Variants in PRAM1 observed in about 807,000 individuals in gnomAD.
PRAM1 encodes PML-RARA regulated adaptor molecule 1.
In PRAM1, 41 loss-of-function variants were observed where a neutral mutation model predicts 55.3. The observed-to-expected ratio is 0.74, with a 90% CI of 0.58 to 0.96. The LOEUF (loss-of-function observed/expected upper bound fraction) is 0.96. Among genes scored for constraint, PRAM1 ranks in the 40% least tolerant of loss-of-function variants. The probability of loss-of-function intolerance (pLI) is 0.00; values close to 1 mark genes in which losing one functional copy is unlikely to be tolerated. For missense variants in PRAM1, 898 were observed against 892.7 expected (o/e 1.01, Z -0.08); for synonymous variants, 401 against 387.1 (o/e 1.04, Z -0.42).
Position 8,497,824 on chromosome 19 carries a change from A to G in PRAM1, c.1516T>C (p.Tyr506His), listed in dbSNP as rs1166345410. 1 of 1,595,180 alleles carries G rather than the reference A, an allele frequency of 6.3e-7. No homozygotes were observed. Reference sequence around the variant, plus strand: ...GGTTCCACATCGTCATACAGCTCGTAGATCTCATCTGGGACCCTGCGGGGA... The same window carrying G: ...GGTTCCACATCGTCATACAGCTCGTGGATCTCATCTGGGACCCTGCGGGGA... ...EDIPQVPDEI[Y>H]ELYDDVEPRD... The change falls in exon 4 of 10, where the codon TAC (tyrosine) becomes CAC (histidine). Residue 506 changes from tyrosine to histidine, a missense_variant. Tyr to His is a moderately conservative substitution (Grantham distance 83). Around this residue, in one of 4 missense-constraint regions of PRAM1, gnomAD observed 787 missense variants for 735.4 expected, o/e 1.07. Transcript: ENST00000423345.
rs115161255 is a variant in PRAM1, at chr19:8,500,366, C to T, written c.28-586G>A. 9.5e-3 allele frequency among the ~76,000 whole-genome samples: 1,443 copies of T among 152,008 alleles called. 24 individuals are homozygous for T. Among genetic ancestry groups the T allele is most frequent in the African/African-American group, 0.034 (1,403 of 41,432 alleles). ...TGTCACCCCAGGAGGTAGTGGGAGG[C>T]AGTGTCTGCCCTCCCCCAACCAATT... On this transcript the variant is annotated intron_variant, in intron 1 of 9. Coordinates refer to ENST00000423345, the MANE Select transcript of PRAM1 (RefSeq NM_032152.5).
chr19:8,490,642 C>CG lies in PRAM1; in HGVS notation c.1857dup (p.Glu620ArgfsTer6). ...AGCATCTCCTCATTGCTGGTGAACTCGATCACCTCCAGGATCTCCCCGCGC... is the reference window on the plus strand; with the variant it reads ...AGCATCTCCTCATTGCTGGTGAACTCGGATCACCTCCAGGATCTCCCCGCGC... On this transcript the variant is annotated frameshift_variant, in exon 7 of 10. Transcript: ENST00000423345. LOFTEE classifies it high-confidence loss of function. This position sits in a 1 kb window ranked among gnomAD's most constrained non-coding sequence, Gnocchi z 7.3. The CG allele has an allele frequency of 6.3e-7, 1 of 1,586,874 alleles. No individual in the cohort carries two copies. The highest frequency in any genetic ancestry group is 8.6e-7 in the Non-Finnish European group (1 of 1,166,482).
chr19:8,490,654 G>C lies in PRAM1; in HGVS notation c.1846C>G (p.Leu616Val), dbSNP rs376347206. Residue 616 changes from leucine (L) to valine (V), a missense_variant, in exon 7 of 10, where the codon CTG (leucine) becomes GTG (valine). Coordinates refer to ENST00000423345, the MANE Select transcript of PRAM1 (RefSeq NM_032152.5). This position sits in a 1 kb window ranked among gnomAD's most constrained non-coding sequence, Gnocchi z 7.3. ...KHLGIRRGEILEVIEFTSNEE... is the reference protein window; with the variant it reads ...KHLGIRRGEIVEVIEFTSNEE... ...TTGCTGGTGAACTCGATCACCTCCA[G>C]GATCTCCCCGCGCCGGATCCCGAGG... The C allele has an allele frequency of 6.3e-7, 1 of 1,588,436 alleles. No homozygotes were observed. Among genetic ancestry groups the C allele is most frequent in the Non-Finnish European group, 8.6e-7 (1 of 1,167,356 alleles).
In PRAM1 at chr19:8,499,402, C is replaced by T. The variant is rs777174312; in HGVS notation, c.406G>A (p.Ala136Thr). 4 of 1,612,632 alleles carry T rather than the reference C, an allele frequency of 2.5e-6. No homozygotes were observed. The highest frequency in any genetic ancestry group is 3.4e-6 in the Non-Finnish European group (4 of 1,179,852). Reference sequence around the variant, plus strand: ...AGGGGCTTCCTTGGAAACGGAGTGGCCCCCAGCTGTGGGAACTTCTTGGAG... The same window carrying T: ...AGGGGCTTCCTTGGAAACGGAGTGGTCCCCAGCTGTGGGAACTTCTTGGAG... ...DLSKKFPQLG[A>T]TPFPRKPLQP... Residue 136 changes from alanine (A) to threonine (T), a missense_variant, in exon 2 of 10, where the codon GCC (alanine) becomes ACC (threonine). This residue lies in a region of PRAM1 where 787 missense variants were observed against 735.4 expected (regional missense o/e 1.07). Transcript: ENST00000423345.
At chr19:8,498,114 A>C (rs559902557) in intron 3 of PRAM1, 109 bp downstream of exon 3, 169 of 1,191,260 alleles carry the variant, frequency 1.4e-4, no homozygotes, top group Non-Finnish European at 2.0e-4. Flanking sequence ...TCCTGACTTC[A>C]GGAGATCCGC....
chr19:8,490,190 T>C lies in PRAM1; in HGVS notation c.2012A>G (p.Ter671=). The change falls in exon 10 of 10, where the codon TAA becomes TGA. Residue 671 remains the stop codon, a stop_retained_variant. Coordinates refer to ENST00000423345, the MANE Select transcript of PRAM1 (RefSeq NM_032152.5). The surrounding 1 kb of genome is among the most constrained non-coding windows in gnomAD (Gnocchi z 7.3). The part of the protein sequence containing the change: ...LENQPLPLGR[*] ...GTCCTGGCCCCACGCCTACCGGTCT[T>C]ACCGTCCCAGGGGGAGTGGTTGGTT... 1 of 1,579,360 alleles carries C rather than the reference T, an allele frequency of 6.3e-7. No homozygotes were observed. The highest frequency in any genetic ancestry group is 8.6e-7 in the Non-Finnish European group (1 of 1,161,432).
At position 8,498,780 on chromosome 19, in the gene PRAM1, C is replaced by T; in HGVS notation, c.1028G>A (p.Arg343Lys). The T allele has an allele frequency of 6.3e-7, 1 of 1,575,806 alleles. No homozygotes were observed. The highest frequency in any genetic ancestry group is 8.6e-7 in the Non-Finnish European group (1 of 1,161,420). ...CCGGCGCTCCGGCTGCAGCAGCTTC[C>T]TGGGGAGTGAGTTGAACTCGGGCTC... Reference protein sequence around the residue: ...SSEPEFNSLPRKLLQPERRGP... With the variant: ...SSEPEFNSLPKKLLQPERRGP... Residue 343 changes from arginine to lysine, a missense_variant, in exon 2 of 10, where the codon AGG (arginine) becomes AAG (lysine). By Grantham distance (26) the Arg-to-Lys change is conservative. Transcript: ENST00000423345.
Position 8,498,309 on chromosome 19 carries a change from G to A in PRAM1, c.1433-20C>T, listed in dbSNP as rs775396194. On this transcript the variant is annotated intron_variant, in intron 2 of 9. Transcript: ENST00000423345. ...GTAGATCTGTGGGGTAGAGAGTAGG[G>A]CAGGGAAGCCGGCACTGCCTGGGAC... 3.1e-6 allele frequency: 5 copies of A among 1,608,810 alleles called. No individual in the cohort carries two copies. The highest frequency in any genetic ancestry group is 1.6e-4 in the Middle Eastern group (1 of 6,068).
chr19:8,498,499 G>A lies in PRAM1; in HGVS notation c.1309C>T (p.His437Tyr). 6.3e-7 allele frequency: 1 copy of A among 1,596,420 alleles called. No individual in the cohort carries two copies. Residue 437 changes from histidine (H) to tyrosine (Y), a missense_variant, in exon 2 of 10, where the codon CAT (histidine) becomes TAT (tyrosine). Physicochemically the swap from His to Tyr is moderately conservative, Grantham distance 83 (BLOSUM62 2). Coordinates refer to ENST00000423345, the MANE Select transcript of PRAM1 (RefSeq NM_032152.5). ...GGCAGAGGCCTCCGCCGGGGTGGAT[G>A]GCTGGGTCTGAGGCCTGGCCTGGCC... ...GGARPGLRPS[H>Y]PPRRRPLPPA...
rs1020693217 is a variant in PRAM1 at position 8,490,204 on chromosome 19, G to T, written c.1998C>A (p.Leu666=). ...CCTACCGGTCTTACCGTCCCAGGGG[G>T]AGTGGTTGGTTTTCCAGGGGATCTG... ...DFCDPLENQP[L]PLGR The change falls in exon 10 of 10, where the codon CTC becomes CTA. Residue 666 remains leucine (L), a synonymous_variant. Coordinates refer to ENST00000423345, the MANE Select transcript of PRAM1 (RefSeq NM_032152.5). This position sits in a 1 kb window ranked among gnomAD's most constrained non-coding sequence, Gnocchi z 7.3. 11 of 1,592,850 alleles carry T rather than the reference G, an allele frequency of 6.9e-6. No homozygotes were observed. In the African/African-American group the frequency reaches 8.0e-5, roughly 12 times the overall value.
In PRAM1 at chr19:8,490,896, C is replaced by G. The variant is rs1568313259; in HGVS notation, c.1734G>C (p.Lys578Asn). The change falls in exon 6 of 10, where the codon AAG (lysine) becomes AAC (asparagine). Residue 578 changes from lysine to asparagine, a missense_variant. Lys to Asn is a moderately conservative substitution (Grantham distance 94). Transcript: ENST00000423345. The surrounding 1 kb of genome is among the most constrained non-coding windows in gnomAD (Gnocchi z 7.3). ...KAEKAEREFR[K>N]KFKFEGEIVV... ...AGCTCAGAGGCCTCACCTTGAACTT[C>G]TTCCGGAACTCCCTCTCGGCCTTCT... The G allele has an allele frequency of 6.2e-7, 1 of 1,613,438 alleles. No homozygotes were observed. Among genetic ancestry groups the G allele is most frequent in the African/African-American group, 1.3e-5 (1 of 75,046 alleles).
At chr19:8,496,853 A>C (rs1484040034) in intron 4 of PRAM1, among the ~76,000 whole-genome samples, 1 of 151,944 alleles carries the variant, frequency 6.6e-6, no homozygotes, top group East Asian at 1.9e-4. Context: ...GTGAAACCCC[A>C]TCTCTACTAA....
At position 8,499,288 on chromosome 19, in the gene PRAM1, T is replaced by C; in HGVS notation, c.520A>G (p.Ser174Gly). ...ARKPLQPDEL[S>G]HPARPPSEPK... is the part of the protein sequence containing the mutation. ...TCGGAGGGGGGTCTGGCGGGGTGACTGAGTTCGTCGGGCTGCAGGGGTTTC... is the reference window on the plus strand; with the variant it reads ...TCGGAGGGGGGTCTGGCGGGGTGACCGAGTTCGTCGGGCTGCAGGGGTTTC... The change falls in exon 2 of 10, where the codon AGT (serine) becomes GGT (glycine). Residue 174 changes from serine to glycine, a missense_variant. Physicochemically the swap from Ser to Gly is moderately conservative, Grantham distance 56. This residue lies in a region of PRAM1 where 787 missense variants were observed against 735.4 expected (regional missense o/e 1.07). Transcript: ENST00000423345. 1.2e-6 allele frequency: 2 copies of C among 1,609,092 alleles called. No homozygotes were observed. The highest frequency in any genetic ancestry group is 1.7e-6 in the Non-Finnish European group (2 of 1,177,544).
intron 4 of PRAM1, among the ~76,000 whole-genome samples, chr19:8,492,975 C>T (rs1458531304): frequency 6.6e-6 from 1 of 151,980 alleles, no homozygotes; most frequent in African/African-American, 2.4e-5. Flanking sequence ...CCAGCCTGGG[C>T]GACAGACCAG....
chr19:8,500,834 CG>C (rs1907089072), intron 1 of PRAM1, among the ~76,000 whole-genome samples: 1 of 152,140 alleles, frequency 6.6e-6, no homozygotes, highest in Admixed American at 6.6e-5. Context: ...GGCGCGATCT[CG>C]GCTCACTGCA....
chr19:8,500,205 C>CCA (rs752859487), intron 1 of PRAM1, among the ~76,000 whole-genome samples: 1 of 150,546 alleles, frequency 6.6e-6, no homozygotes, highest in Non-Finnish European at 1.5e-5. Flanking sequence ...CTCCTGGGCT[C>CCA]CAATGATTCC....
chr19:8,490,758 TG>T lies in PRAM1; in HGVS notation c.1744-3del. ...GTGAACCACGATCTCCCCTTCAAACTGGGGCGCGAGATGTTAGGGCCTCTGC... is the reference window on the plus strand; with the variant it reads ...GTGAACCACGATCTCCCCTTCAAACTGGGCGCGAGATGTTAGGGCCTCTGC... On this transcript the variant is annotated splice_region_variant and splice_polypyrimidine_tract_variant and intron_variant, in intron 6 of 9. Coordinates refer to ENST00000423345, the MANE Select transcript of PRAM1 (RefSeq NM_032152.5). This position sits in a 1 kb window ranked among gnomAD's most constrained non-coding sequence, Gnocchi z 7.3. 1 of 1,608,720 alleles carries T rather than the reference TG, an allele frequency of 6.2e-7. No individual in the cohort carries two copies.
Position 8,490,604 on chromosome 19 carries a change from G to A in PRAM1, c.1896C>T (p.Pro632=). The part of the protein sequence containing the change: ...TSNEEMLCRD[P]KGKYGYVPRT... ...GCCGGGCGCACTCACATTTGCCTTT[G>A]GGGTCCCGGCACAGCATCTCCTCAT... is the stretch of plus-strand genomic sequence containing the variant. Residue 632 remains proline (P), a synonymous_variant, in exon 7 of 10, where the codon CCC becomes CCT. Coordinates refer to ENST00000423345, the MANE Select transcript of PRAM1 (RefSeq NM_032152.5). The surrounding 1 kb of genome is among the most constrained non-coding windows in gnomAD (Gnocchi z 7.3). 1.3e-6 allele frequency: 2 copies of A among 1,585,576 alleles called. No individual in the cohort carries two copies. Among genetic ancestry groups the A allele is most frequent in the Non-Finnish European group, 1.7e-6 (2 of 1,165,932 alleles).
rs909084826 is a variant in PRAM1, at chr19:8,499,363, C to T, written c.445G>A (p.Gly149Ser). 4.3e-6 allele frequency: 7 copies of T among 1,612,306 alleles called. No homozygotes were observed. In the African/African-American group the frequency reaches 5.4e-5, roughly 12 times the overall value. The change falls in exon 2 of 10, where the codon GGT becomes AGT. Residue 149 changes from glycine to serine, a missense_variant. This residue lies in a region of PRAM1 where 787 missense variants were observed against 735.4 expected (regional missense o/e 1.07). Coordinates refer to ENST00000423345, the MANE Select transcript of PRAM1 (RefSeq NM_032152.5). ...AGCGAGGCCTTCAAAGGGGCCTCAC[C>T]GACCTCAGGCTGCAGGGGCTTCCTT... ...FPRKPLQPEV[G>S]EAPLKASLPE... is the part of the protein sequence containing the mutation.
Sources: gnomAD v4.1 joint callset for allele counts (sites outside exome capture counted in the v4.1 genomes callset) on GRCh38, gnomAD v4.1.1 for gene constraint, gnomAD v4.1.1 regional missense constraint, Gnocchi (gnomAD v3.1) non-coding constraint, MANE v1.5 for transcripts, NCBI Gene and HGNC (gene_info 2026-07-23, HGNC 2026-07-21) for gene names.